Variants in UMODL1 observed in about 807,000 individuals in gnomAD.
UMODL1 encodes uromodulin-like 1.
A neutral mutation model predicts 136.3 loss-of-function variants in UMODL1; 128 were observed. The observed-to-expected ratio is 0.94, with a 90% CI of 0.81 to 1.09. The LOEUF is 1.09. UMODL1 is among the 50% of genes least tolerant of loss of function. The pLI, the probability that UMODL1 is intolerant of heterozygous loss-of-function variation, is 0.00. For synonymous variants in UMODL1, 721 were observed against 720.0 expected, an observed-to-expected ratio of 1.00 and a Z score of -0.02; for missense variants, 1,766 against 1,725.6, an observed-to-expected ratio of 1.02 and a Z score of -0.41.
chr21:42,071,138 A>C (rs1338129823), upstream of UMODL1, among the ~76,000 whole-genome samples: 3 of 152,318 alleles, frequency 2.0e-5, no homozygotes, highest in South Asian at 6.2e-4. Flanking sequence ...ACGAGCAGGC[A>C]TAAGGGACTG....
intron 21 of UMODL1, among the ~76,000 whole-genome samples, chr21:42,130,220 A>AAGTGTGTG (rs1569178012): frequency 2.9e-4 from 28 of 97,648 alleles, no homozygotes; most frequent in Non-Finnish European, 3.3e-4. Flanking sequence ...GGCCATGTCA[A>AAGTGTGTG]CGTGTGTGTG....
At chr21:42,098,805 G>C in intron 6 of UMODL1, 121 bp from the exon 7 acceptor site, 1 of 1,443,378 alleles carries the variant, frequency 6.9e-7, no homozygotes, top group Non-Finnish European at 9.4e-7. Context: ...TGTTCTGGAT[G>C]GGTCAACTTG....
chr21:42,111,199 C>T (rs2066820261), intron 11 of UMODL1, 78 bp downstream of exon 11: 2 of 1,532,960 alleles, frequency 1.3e-6, no homozygotes, highest in Non-Finnish European at 1.8e-6. Flanking sequence ...GGAGCCCCAG[C>T]CAGGGGAGCC....
chr21:42,113,478 C>T, intron 12 of UMODL1, 95 bp from the exon 13 acceptor site: 2 of 1,476,034 alleles, frequency 1.4e-6, no homozygotes, highest in Non-Finnish European at 1.8e-6. Flanking sequence ...CTCATGTCCC[C>T]ATGGTGATGA....
intron 13 of UMODL1, among the ~76,000 whole-genome samples, chr21:42,115,322 A>G (rs1271074777): frequency 2.6e-5 from 4 of 152,242 alleles, no homozygotes; most frequent in African/African-American, 7.2e-5. Context: ...GATGGAACAG[A>G]TGATGCCAAA....
At chr21:42,132,688 C>T (rs1039818252) in intron 21 of UMODL1, among the ~76,000 whole-genome samples, 2 of 152,152 alleles carry the variant, frequency 1.3e-5, no homozygotes, top group Admixed American at 1.3e-4. Flanking sequence ...TTGCAACATG[C>T]CCTCCCTACC....
At chr21:42,106,328 C>CA (rs1381075955) in intron 9 of UMODL1, among the ~76,000 whole-genome samples, 11 of 151,718 alleles carry the variant, frequency 7.3e-5, no homozygotes, top group East Asian at 3.9e-4. Flanking sequence ...TATTACTCGG[C>CA]AAAAAAAACA....
intron 6 of UMODL1, chr21:42,093,557 A>G (rs2066517933): frequency 4.8e-6 from 1 of 207,160 alleles, no homozygotes; most frequent in African/African-American, 2.4e-5. Flanking sequence ...CCTGTGGGCG[A>G]GGGGTTGGGG....
At chr21:42,125,794 G>C (rs985583514) in intron 17 of UMODL1, among the ~76,000 whole-genome samples, 2 of 152,152 alleles carry the variant, frequency 1.3e-5, no homozygotes, top group Non-Finnish European at 2.9e-5. Flanking sequence ...CCAAGTGGAG[G>C]GGCTGAGGGT....
intron 9 of UMODL1, among the ~76,000 whole-genome samples, chr21:42,108,709 G>A (rs2066760552): frequency 6.6e-6 from 1 of 152,190 alleles, no homozygotes; most frequent in Non-Finnish European, 1.5e-5. Flanking sequence ...CACCCCATGG[G>A]AGCTACATTG....
intron 6 of UMODL1, among the ~76,000 whole-genome samples, chr21:42,092,385 G>GTTT (rs1225889236): frequency 4.9e-4 from 58 of 119,196 alleles, no homozygotes; most frequent in Admixed American, 1.0e-3. Context: ...AGGGTTGAGG[G>GTTT]TTTTTTTGTT....
upstream of UMODL1, among the ~76,000 whole-genome samples, chr21:42,068,347 A>G (rs1300265973): frequency 6.6e-6 from 1 of 151,938 alleles, no homozygotes; most frequent in Non-Finnish European, 1.5e-5. This position sits in a 1 kb window ranked among gnomAD's most constrained non-coding sequence, Gnocchi z 5.5. Context: ...CATTTTCTAT[A>G]TGTTCCCTCC....
intron 6 of UMODL1, among the ~76,000 whole-genome samples, chr21:42,094,205 C>T (rs956387167): frequency 6.6e-6 from 1 of 152,224 alleles, no homozygotes; most frequent in Non-Finnish European, 1.5e-5. Flanking sequence ...GGAGGCTGCG[C>T]GGCCCCAGCT....
At chr21:42,137,047 C>T (rs35304799) in intron 21 of UMODL1, among the ~76,000 whole-genome samples, 6,359 of 152,302 alleles carry the variant, frequency 0.042, 206 homozygotes, top group Middle Eastern at 0.065. Context: ...TCAGCCACTG[C>T]GCCCAGCCTG....
rs1260618542 is a variant in UMODL1 at position 42,091,676 on chromosome 21, T to A, written c.931+1238T>A. On this transcript the variant is annotated intron_variant, in intron 6 of 22. Transcript: ENST00000408910. ...CAGATGTCTTGACTGAACAGTGGAG[T>A]AGAAGGTGTTTCCATTGGAGAGGAT... Among the ~76,000 whole-genome samples the A allele has an allele frequency of 1.2e-4, 18 of 151,924 alleles. No homozygotes were observed. In the South Asian group the frequency reaches 2.5e-3, roughly 21 times the overall value.
rs961186712 is a variant in UMODL1 at position 42,109,621 on chromosome 21, A to C, written c.1579A>C (p.Asn527His). Residue 527 changes from asparagine (N) to histidine (H), a missense_variant, in exon 10 of 23, where the codon AAC (asparagine) becomes CAC (histidine). Transcript: ENST00000408910. ...HDCSPAAWCI[N>H]LEGSYTCQCR... The stretch of plus-strand genomic sequence containing the variant: ...CTGCTCACCGGCTGCCTGGTGCATC[A>C]ACCTGGAGGGCTCCTACACCTGCCA... 2.5e-6 allele frequency: 4 copies of C among 1,610,942 alleles called. No homozygotes were observed. The Admixed American group carries it at 6.7e-5, about 27-fold the overall frequency.
chr21:42,135,169 A>G (rs2067188988), intron 21 of UMODL1, among the ~76,000 whole-genome samples: 1 of 152,240 alleles, frequency 6.6e-6, no homozygotes, highest in Admixed American at 6.5e-5. Flanking sequence ...AACGGTCACG[A>G]TGCATACACA....
intron 4 of UMODL1, among the ~76,000 whole-genome samples, chr21:42,087,222 C>T (rs1210087494): frequency 6.6e-6 from 1 of 152,224 alleles, no homozygotes; most frequent in African/African-American, 2.4e-5. Flanking sequence ...GGGTCAGGCA[C>T]CAGCAGGGGC....
Position 42,103,874 on chromosome 21 carries a change from A to G in UMODL1, c.1306A>G (p.Ser436Gly). Residue 436 changes from serine (S) to glycine (G), a missense_variant, in exon 9 of 23, where the codon AGC becomes GGC. By Grantham distance (56) the Ser-to-Gly change is moderately conservative. Transcript: ENST00000408910. ...GTTGCCTCTTCTTGGCTAGGTCGAGAGCTCCTTCCCACCAGTGGTGTCTGA... is the reference window on the plus strand; with the variant it reads ...GTTGCCTCTTCTTGGCTAGGTCGAGGGCTCCTTCCCACCAGTGGTGTCTGA... ...FSRQLLHEVE[S>G]SFPPVVSDLY... The G allele has an allele frequency of 6.2e-7, 1 of 1,614,112 alleles. No individual in the cohort carries two copies. Among genetic ancestry groups the G allele is most frequent in the Non-Finnish European group, 8.5e-7 (1 of 1,180,026 alleles).
Sources: gnomAD v4.1 joint callset for allele counts (sites outside exome capture counted in the v4.1 genomes callset) on GRCh38, gnomAD v4.1.1 for gene constraint, Gnocchi (gnomAD v3.1) non-coding constraint, MANE v1.5 for transcripts, NCBI Gene and HGNC (gene_info 2026-07-23, HGNC 2026-07-21) for gene names.